Variants in TPCN2 observed in about 807,000 individuals in gnomAD.
The protein encoded by TPCN2 is two pore channel protein 2.
A neutral mutation model predicts 111.4 loss-of-function variants in TPCN2; 92 were observed. The ratio of observed to expected loss-of-function variants is 0.83; its 90% confidence interval spans 0.70 to 0.98. The LOEUF is 0.98. TPCN2 is among the 50% of genes least tolerant of loss of function. The probability of loss-of-function intolerance (pLI) is 0.00; values close to 1 mark genes in which losing one functional copy is unlikely to be tolerated. For missense variants in TPCN2, 995 were observed against 980.1 expected (o/e 1.02, Z -0.20); for synonymous variants, 405 against 414.5 (o/e 0.98, Z 0.28).
Position 69,062,805 on chromosome 11 carries a change from C to T in TPCN2, c.547-79C>T, listed in dbSNP as rs112369504. 5.7e-4 allele frequency: 782 copies of T among 1,367,918 alleles called. 6 individuals carry two copies. In the African/African-American group the frequency reaches 9.8e-3, roughly 17 times the overall value. 84.7% of individuals were successfully genotyped at this position (1,367,918 alleles called of 1,614,324 possible). ...CCCCAGGGCACTGGGGTCTCTGAAC[C>T]GTGTGCCCATCTGGGATGGTCGGTG... On this transcript the variant is annotated intron_variant, in intron 5 of 24. Transcript: ENST00000294309.
chr11:69,064,685 C>T (rs897223496), intron 7 of TPCN2, among the ~76,000 whole-genome samples: 2 of 152,224 alleles, frequency 1.3e-5, no homozygotes, highest in Non-Finnish European at 2.9e-5. Flanking sequence ...TCAGCCTGCG[C>T]TGCTGTTCCT....
At position 69,079,009 on chromosome 11, in the gene TPCN2, G is replaced by A. The variant is rs141343677; in HGVS notation, c.1528G>A (p.Val510Ile). The change falls in exon 16 of 25, where the codon GTT (valine) becomes ATT (isoleucine). Residue 510 changes from valine (V) to isoleucine (I), a missense_variant. By Grantham distance (29) the Val-to-Ile change is conservative (BLOSUM62 3). Coordinates refer to ENST00000294309, the MANE Select transcript of TPCN2 (RefSeq NM_139075.4). ...PSNVFDGLLT[V>I]VLLVLEISTL... is the part of the protein sequence containing the mutation. ...CAACGTGTTTGACGGGCTCCTCACC[G>A]TTGTCCTGCTGGTAAAGTAGGCGCA... is the stretch of plus-strand genomic sequence containing the variant. 73 of 1,610,892 alleles carry A rather than the reference G, an allele frequency of 4.5e-5. No homozygotes were observed. Among genetic ancestry groups the A allele is most frequent in the Non-Finnish European group, 5.3e-5 (62 of 1,178,500 alleles).
intron 8 of TPCN2, 56 bp downstream of exon 8, chr11:69,067,661 C>G: frequency 6.5e-7 from 1 of 1,547,530 alleles, no homozygotes. Flanking sequence ...CACTGGGGGG[C>G]CGGTTTGGGC....
At chr11:69,056,369 T>C (rs1854765288) in intron 4 of TPCN2, among the ~76,000 whole-genome samples, 1 of 152,224 alleles carries the variant, frequency 6.6e-6, no homozygotes, top group Non-Finnish European at 1.5e-5. Context: ...TCTTCCTTTG[T>C]AGCTTATCAT....
intron 13 of TPCN2, 138 bp downstream of exon 13, chr11:69,073,139 G>A (rs1855611342): frequency 1.6e-6 from 1 of 639,778 alleles, no homozygotes; most frequent in Non-Finnish European, 2.8e-6. Flanking sequence ...TATGGGAACT[G>A]GGAATGGAGT....
intron 16 of TPCN2, chr11:69,079,500 G>A (rs1855918125): frequency 3.3e-6 from 1 of 307,098 alleles, no homozygotes; most frequent in Non-Finnish European, 6.0e-6. Context: ...CCACATGAGA[G>A]TGACGTTTGC....
At position 69,071,812 on chromosome 11, in the gene TPCN2, C is replaced by T. The variant is rs1247094586; in HGVS notation, c.961-111C>T. 7 of 1,005,296 alleles carry T rather than the reference C, an allele frequency of 7.0e-6. No individual in the cohort carries two copies. The African/African-American group carries it at 1.1e-4, about 16-fold the overall frequency. 62.3% of individuals were successfully genotyped at this position (1,005,296 alleles called of 1,614,324 possible). A position where few individuals can be genotyped will look rare whatever the true frequency, so the allele number is the denominator to read the frequency against. On this transcript the variant is annotated intron_variant, in intron 10 of 24. Transcript: ENST00000294309. Reference sequence around the variant, plus strand: ...CCAGGCTGTGGGGAACTGGGCCCCCCCCCAAGGCTGCCCAGACTCCCCCTC... The same window carrying T: ...CCAGGCTGTGGGGAACTGGGCCCCCTCCCAAGGCTGCCCAGACTCCCCCTC...
At chr11:69,074,619 T>C (rs917205695) in intron 13 of TPCN2, among the ~76,000 whole-genome samples, 38 of 152,146 alleles carry the variant, frequency 2.5e-4, no homozygotes, top group Non-Finnish European at 7.4e-5. Context: ...AGGTTTGCTG[T>C]GATCCGGCCC....
intron 13 of TPCN2, among the ~76,000 whole-genome samples, chr11:69,076,503 G>A (rs947930756): frequency 1.1e-4 from 16 of 152,088 alleles, no homozygotes; most frequent in Non-Finnish European, 2.2e-4. Flanking sequence ...ACCACACTCC[G>A]ATCCACCCCG....
intron 13 of TPCN2, among the ~76,000 whole-genome samples, chr11:69,074,731 C>T (rs1471679402): frequency 2.6e-5 from 4 of 152,136 alleles, no homozygotes; most frequent in Non-Finnish European, 5.9e-5. Flanking sequence ...AGCTGTGTAA[C>T]TGAGAGATAA....
intron 13 of TPCN2, among the ~76,000 whole-genome samples, chr11:69,077,898 C>T (rs1023313663): frequency 5.9e-5 from 9 of 152,214 alleles, no homozygotes; most frequent in Non-Finnish European, 1.2e-4. Context: ...CAGTGGCTCC[C>T]GTGTGGGACA....
rs12292936 is a variant in TPCN2 at position 69,086,429 on chromosome 11, C to T, written c.2004-94C>T. On this transcript the variant is annotated intron_variant, in intron 22 of 24. Coordinates refer to ENST00000294309, the MANE Select transcript of TPCN2 (RefSeq NM_139075.4). ...TCATGGTGTGTGTGGGCCGGCTGCC[C>T]GAGAGCTGTCCTGGCCACGCAGCAG... 342 of 1,049,738 alleles carry T rather than the reference C, an allele frequency of 3.3e-4. 4 individuals are homozygous for T. The African/African-American group carries it at 3.5e-3, about 11-fold the overall frequency. 65.0% of individuals were successfully genotyped at this position (1,049,738 alleles called of 1,614,324 possible).
intron 9 of TPCN2, 65 bp from the exon 10 acceptor site, chr11:69,071,291 C>T: frequency 7.4e-7 from 1 of 1,349,090 alleles, no homozygotes; most frequent in Non-Finnish European, 1.1e-6. Context: ...CTGTGCCGGC[C>T]ACCCTTGCGT....
intron 5 of TPCN2, among the ~76,000 whole-genome samples, chr11:69,062,285 C>CGG (rs1554979436): frequency 6.6e-6 from 1 of 152,124 alleles, no homozygotes; most frequent in Non-Finnish European, 1.5e-5. Context: ...GCTTCCAACA[C>CGG]GGGGAGTCAG....
Position 69,085,656 on chromosome 11 carries a change from T to C in TPCN2, c.1839-15T>C. On this transcript the variant is annotated splice_polypyrimidine_tract_variant and intron_variant, in intron 20 of 24. Coordinates refer to ENST00000294309, the MANE Select transcript of TPCN2 (RefSeq NM_139075.4). ...GGAGCCCCCGCCCCTGACCCAGGTGTGTTGTGTTCCCCAGCCTGGCCCCTG... is the reference window on the plus strand; with the variant it reads ...GGAGCCCCCGCCCCTGACCCAGGTGCGTTGTGTTCCCCAGCCTGGCCCCTG... 4 of 1,559,584 alleles carry C rather than the reference T, an allele frequency of 2.6e-6. No homozygotes were observed.
At chr11:69,058,225 C>T (rs1453346460) in intron 5 of TPCN2, among the ~76,000 whole-genome samples, 1 of 152,194 alleles carries the variant, frequency 6.6e-6, no homozygotes, top group Non-Finnish European at 1.5e-5. Context: ...TCAGCAGAAT[C>T]CACTGGGGTC....
At chr11:69,058,861 A>G (rs911716591) in intron 5 of TPCN2, among the ~76,000 whole-genome samples, 11 of 152,258 alleles carry the variant, frequency 7.2e-5, no homozygotes, top group Non-Finnish European at 1.0e-4. Flanking sequence ...TTTCTGAGTT[A>G]CGGTTGTGGC....
rs1193884728 is a variant in TPCN2, at chr11:69,063,972, G to A, written c.726+5G>A. ...CTGCTGTTCGCTGGTGGGAAGGTAG[G>A]GCACCCGTGGTCAGGGTCTGGGAAT... On this transcript the variant is annotated splice_donor_5th_base_variant and intron_variant, in intron 7 of 24. Coordinates refer to ENST00000294309, the MANE Select transcript of TPCN2 (RefSeq NM_139075.4). 3 of 1,613,912 alleles carry A rather than the reference G, an allele frequency of 1.9e-6. No homozygotes were observed. Among genetic ancestry groups the A allele is most frequent in the Non-Finnish European group, 2.5e-6 (3 of 1,179,902 alleles).
chr11:69,059,406 G>A (rs768448263), intron 5 of TPCN2, among the ~76,000 whole-genome samples: 1 of 152,222 alleles, frequency 6.6e-6, no homozygotes, highest in Non-Finnish European at 1.5e-5. Context: ...CAGAATGGGG[G>A]AGGTGGGAAG....
Sources: allele counts gnomAD v4.1 joint callset (sites outside exome capture counted in the v4.1 genomes callset), GRCh38; gene constraint gnomAD v4.1.1; transcripts MANE v1.5; gene names NCBI Gene and HGNC (gene_info 2026-07-23, HGNC 2026-07-21).